KCNH3: variants seen among roughly 807,000 people sequenced by gnomAD.
The protein encoded by KCNH3 is potassium voltage-gated channel subfamily H member 3.
In KCNH3, 36 loss-of-function variants were observed where a neutral mutation model predicts 95.6. The observed-to-expected ratio is 0.38, with a 90% CI of 0.29 to 0.50. The LOEUF (loss-of-function observed/expected upper bound fraction) is 0.50. KCNH3 is among the 20% of genes least tolerant of loss of function. KCNH3 has a pLI of 0.95. For missense variants in KCNH3, 1,030 were observed against 1,484.1 expected, an observed-to-expected ratio of 0.69 and a Z score of 5.03; for synonymous variants, 620 against 646.3, an observed-to-expected ratio of 0.96 and a Z score of 0.62.
intron 13 of KCNH3, 32 bp downstream of exon 13, chr12:49,556,508 G>A (rs772706029): frequency 1.3e-6 from 2 of 1,492,806 alleles, no homozygotes; most frequent in African/African-American, 2.8e-5. Flanking sequence ...CTAGGTTGGT[G>A]GGGCAGCCCC....
chr12:49,551,690 G>C (rs920782790), intron 10 of KCNH3, among the ~76,000 whole-genome samples: 18 of 152,072 alleles, frequency 1.2e-4, no homozygotes, highest in African/African-American at 4.1e-4. Context: ...GGTGTGGGTA[G>C]TCAAGGACTT....
intron 11 of KCNH3, among the ~76,000 whole-genome samples, chr12:49,555,172 G>A (rs1378571538): frequency 6.6e-6 from 1 of 151,900 alleles, no homozygotes; most frequent in African/African-American, 2.4e-5. Flanking sequence ...CGGGCGCGGT[G>A]GCCCACGCCT....
chr12:49,543,210 CTA>C, intron 4 of KCNH3, 63 bp from the exon 5 acceptor site: 1 of 1,554,896 alleles, frequency 6.4e-7, no homozygotes, highest in African/African-American at 1.4e-5. Flanking sequence ...GTCCCAGACT[CTA>C]TCCAAACTCA....
At position 49,549,431 on chromosome 12, in the gene KCNH3, C is replaced by T. The variant is rs780162793; in HGVS notation, c.1469-10C>T. The T allele has an allele frequency of 9.3e-6, 15 of 1,612,656 alleles. No individual in the cohort carries two copies. Among genetic ancestry groups the T allele is most frequent in the Non-Finnish European group, 1.3e-5 (15 of 1,179,516 alleles). On this transcript the variant is annotated splice_polypyrimidine_tract_variant and intron_variant, in intron 8 of 14. Coordinates refer to ENST00000257981, the MANE Select transcript of KCNH3 (RefSeq NM_012284.3). Reference sequence around the variant, plus strand: ...CCCCTAGGTGACCCCCTCTCGTCACCCTCCCCCAGCCCTGATGCACGCGGT... The same window carrying T: ...CCCCTAGGTGACCCCCTCTCGTCACTCTCCCCCAGCCCTGATGCACGCGGT...
chr12:49,545,048 C>A (rs1389655378), intron 7 of KCNH3, among the ~76,000 whole-genome samples: 1 of 152,028 alleles, frequency 6.6e-6, no homozygotes, highest in Non-Finnish European at 1.5e-5. Flanking sequence ...TGGGACCAAA[C>A]CCTCATCCTC....
chr12:49,547,887 C>G (rs1418225919), intron 7 of KCNH3, among the ~76,000 whole-genome samples: 2 of 152,178 alleles, frequency 1.3e-5, no homozygotes, highest in Non-Finnish European at 2.9e-5. Context: ...GCCCCCAGCT[C>G]TGCCAGGACC....
At position 49,539,292 on chromosome 12, in the gene KCNH3, T is replaced by C. The variant is rs976070633; in HGVS notation, c.-125T>C. 1.7e-4 allele frequency: 72 copies of C among 413,936 alleles called. No individual in the cohort carries two copies. The highest frequency in any genetic ancestry group is 2.1e-4 in the Non-Finnish European group (54 of 261,146). The allele number at this position is 413,936 out of a possible 1,614,324, so 25.6% of individuals were successfully genotyped here. Reference sequence around the variant, plus strand: ...GCGACCCCGGATCCCGGTCTGCGCATTGCCCCCCGACGGCTGCGCTAGGGA... The same window carrying C: ...GCGACCCCGGATCCCGGTCTGCGCACTGCCCCCCGACGGCTGCGCTAGGGA... On this transcript the variant is annotated 5_prime_UTR_variant, in exon 1 of 15. Transcript: ENST00000257981. The surrounding 1 kb of genome is among the most constrained non-coding windows in gnomAD (Gnocchi z 6.7).
At chr12:49,551,264 T>A (rs1565779933) in intron 10 of KCNH3, among the ~76,000 whole-genome samples, 1 of 151,994 alleles carries the variant, frequency 6.6e-6, no homozygotes, top group African/African-American at 2.4e-5. Flanking sequence ...CAGGGAAACA[T>A]GGGGCTGTGT....
At chr12:49,543,698 T>A in intron 5 of KCNH3, 180 bp downstream of exon 5, 2 of 1,057,016 alleles carry the variant, frequency 1.9e-6, no homozygotes, top group Non-Finnish European at 2.7e-6. Flanking sequence ...TTATATGACC[T>A]TGAGCTGGTC....
intron 2 of KCNH3, 132 bp from the exon 3 acceptor site, chr12:49,541,498 C>T: frequency 9.4e-7 from 1 of 1,061,608 alleles, no homozygotes; most frequent in Non-Finnish European, 1.4e-6. Context: ...TGAAACTGGA[C>T]TGCCAGCCCT....
chr12:49,555,689 G>C lies in KCNH3; in HGVS notation c.2206G>C (p.Glu736Gln). The C allele has an allele frequency of 3.1e-6, 5 of 1,607,844 alleles. No individual in the cohort carries two copies. The highest frequency in any genetic ancestry group is 4.3e-6 in the Non-Finnish European group (5 of 1,176,348). The part of the protein sequence containing the change: ...STLEEKETDG[E>Q]QGPTVSPAPA... ...GCTGGAGGAGAAGGAGACAGATGGG[G>C]AGCAGGGCCCCACGGTCTCCCCAGC... Residue 736 changes from glutamate (E) to glutamine (Q), a missense_variant, in exon 12 of 15, where the codon GAG (glutamate) becomes CAG (glutamine). This residue lies in a region of KCNH3 where 464 missense variants were observed against 493.2 expected (regional missense o/e 0.94). Transcript: ENST00000257981.
In KCNH3 at chr12:49,557,870, C is replaced by A. The variant is rs139919480; in HGVS notation, c.3169C>A (p.Pro1057Thr). Residue 1057 changes from proline (P) to threonine (T), a missense_variant, in exon 15 of 15, where the codon CCC becomes ACC. This residue lies in a region of KCNH3 where 464 missense variants were observed against 493.2 expected (regional missense o/e 0.94). Transcript: ENST00000257981. ...GSGGLALPWD[P>T]HSLEMVLIGC... ...AGGGGGCCTGGCCTTGCCCTGGGAC[C>A]CCCACAGCCTGGAGATGGTGCTTAT... 7 of 1,575,472 alleles carry A rather than the reference C, an allele frequency of 4.4e-6. No homozygotes were observed. Among genetic ancestry groups the A allele is most frequent in the Admixed American group, 3.7e-5 (2 of 54,356 alleles).
At chr12:49,546,487 G>A (rs187127302) in intron 7 of KCNH3, among the ~76,000 whole-genome samples, 1 of 152,306 alleles carries the variant, frequency 6.6e-6, no homozygotes, top group East Asian at 1.9e-4. Context: ...CTGGTGGGCA[G>A]CTCCTTCTCC....
Position 49,557,695 on chromosome 12 carries a change from A to G in KCNH3, c.2994A>G (p.Ser998=). Residue 998 remains serine, a synonymous_variant, in exon 15 of 15, where the codon TCA becomes TCG. Transcript: ENST00000257981. ...PRATAFWTST[S]DSEPPASGDL... ...CCACAGCTTTCTGGACCTCCACCTC[A>G]GACTCAGAGCCCCCTGCCTCAGGAG... 6.2e-7 allele frequency: 1 copy of G among 1,613,792 alleles called. No homozygotes were observed. The highest frequency in any genetic ancestry group is 1.1e-5 in the South Asian group (1 of 91,086).
rs1938424144 is a variant in KCNH3, at chr12:49,555,897, A to G, written c.2414A>G (p.Glu805Gly). Residue 805 changes from glutamate to glycine, a missense_variant, in exon 12 of 15, where the codon GAG becomes GGG. Physicochemically the swap from Glu to Gly is moderately conservative, Grantham distance 98. This residue lies in a region of KCNH3 where 464 missense variants were observed against 493.2 expected (regional missense o/e 0.94). Transcript: ENST00000257981. ...AGPSAPPRALEGLRLPPMPWN... is the reference protein window; with the variant it reads ...AGPSAPPRALGGLRLPPMPWN... ...CCCTCTGCTCCCCCACGGGCCCTAG[A>G]GGGGCTACGGCTGCCCCCCATGCCA... 1 of 1,601,806 alleles carries G rather than the reference A, an allele frequency of 6.2e-7. No individual in the cohort carries two copies. The highest frequency in any genetic ancestry group is 8.5e-7 in the Non-Finnish European group (1 of 1,172,884).
chr12:49,543,763 T>A, intron 5 of KCNH3, 152 bp from the exon 6 acceptor site: 1 of 1,132,174 alleles, frequency 8.8e-7, no homozygotes, highest in South Asian at 1.5e-5. Context: ...ATAGGCAAAA[T>A]GATGTCTACC....
intron 1 of KCNH3, among the ~76,000 whole-genome samples, chr12:49,540,459 T>A (rs1048410862): frequency 7.2e-5 from 11 of 152,042 alleles, no homozygotes; most frequent in African/African-American, 2.7e-4. Context: ...TGGGGTTGCC[T>A]CCAGTCTAGG....
chr12:49,541,843 G>T, intron 3 of KCNH3, 79 bp downstream of exon 3: 1 of 1,521,890 alleles, frequency 6.6e-7, no homozygotes, highest in Non-Finnish European at 8.9e-7. Context: ...GTCTGAGTAC[G>T]GGGGTCCCCC....
intron 10 of KCNH3, among the ~76,000 whole-genome samples, chr12:49,551,383 C>G (rs1434629476): frequency 6.6e-6 from 1 of 152,052 alleles, no homozygotes; most frequent in African/African-American, 2.4e-5. Context: ...CAAGACCAGC[C>G]TGGCCAACGT....
Sources: gnomAD v4.1 joint callset for allele counts (sites outside exome capture counted in the v4.1 genomes callset) on GRCh38, gnomAD v4.1.1 for gene constraint, gnomAD v4.1.1 regional missense constraint, Gnocchi (gnomAD v3.1) non-coding constraint, MANE v1.5 for transcripts, NCBI Gene and HGNC (gene_info 2026-07-23, HGNC 2026-07-21) for gene names.